Variants in SPATA16 observed in about 807,000 individuals in gnomAD.
SPATA16 encodes the protein spermatogenesis associated 16.
Under a neutral mutation model 63.3 loss-of-function variants are expected in SPATA16, and 36 were observed. The ratio of observed to expected loss-of-function variants is 0.57; its 90% confidence interval spans 0.44 to 0.75. The LOEUF is 0.75. SPATA16 is among the 30% of genes least tolerant of loss of function. SPATA16 has a pLI of 0.00. For synonymous variants in SPATA16, 203 were observed against 216.7 expected (o/e 0.94, Z 0.56); for missense variants, 646 against 679.3 (o/e 0.95, Z 0.54).
At chr3:172,978,965 C>T (rs1231603006) in intron 4 of SPATA16, among the ~76,000 whole-genome samples, 11 of 152,180 alleles carry the variant, frequency 7.2e-5, no homozygotes, top group African/African-American at 1.9e-4. Context: ...TGGCCGGGCG[C>T]GTTGGCTCAT....
rs1324748795 is a variant in SPATA16 at position 173,094,546 on chromosome 3, A to G, written c.612+22574T>C. Among the ~76,000 whole-genome samples, 4 of 152,360 alleles carry G rather than the reference A, an allele frequency of 2.6e-5. No homozygotes were observed. The East Asian group carries it at 7.7e-4, about 29-fold the overall frequency. ...ATTTAGAATCAGGGCAGGTCTAGTC[A>G]AAAGATATTTTAAAGGTTTTTGGAT... On this transcript the variant is annotated intron_variant, in intron 2 of 10. Coordinates refer to ENST00000351008, the MANE Select transcript of SPATA16 (RefSeq NM_031955.6).
chr3:173,084,642 A>C (rs150918624), intron 2 of SPATA16, among the ~76,000 whole-genome samples: 116 of 152,226 alleles, frequency 7.6e-4, no homozygotes, highest in African/African-American at 2.6e-3. Context: ...TAGAGTTTTT[A>C]TAGTTTTGGG....
At chr3:173,039,581 A>G (rs1163880954) in intron 3 of SPATA16, among the ~76,000 whole-genome samples, 1 of 152,150 alleles carries the variant, frequency 6.6e-6, no homozygotes, top group Non-Finnish European at 1.5e-5. Flanking sequence ...CTATTTTCAT[A>G]TTCATGAATA....
intron 4 of SPATA16, among the ~76,000 whole-genome samples, chr3:173,010,914 T>C (rs1735057892): frequency 6.6e-6 from 1 of 151,930 alleles, no homozygotes. Flanking sequence ...GACAGACCAA[T>C]ATCGAGTTCC....
rs757621742 is a variant in SPATA16, at chr3:172,976,969, T to C, written c.932A>G (p.Gln311Arg). Reference protein sequence around the residue: ...SISKLIKLYWQAMIEEAITRA... With the variant: ...SISKLIKLYWRAMIEEAITRA... ...CCTAGTTGGGACATCAATTTTTACCTGCCAATACAGTTTGATGAGCTTGCT... is the reference window on the plus strand; with the variant it reads ...CCTAGTTGGGACATCAATTTTTACCCGCCAATACAGTTTGATGAGCTTGCT... Residue 311 changes from glutamine (Q) to arginine (R), a missense_variant and splice_region_variant, in exon 5 of 11, where the codon CAG (glutamine) becomes CGG (arginine). Gln to Arg is a conservative substitution (Grantham distance 43). Coordinates refer to ENST00000351008, the MANE Select transcript of SPATA16 (RefSeq NM_031955.6). The C allele has an allele frequency of 1.2e-6, 2 of 1,612,248 alleles. No individual in the cohort carries two copies. Among genetic ancestry groups the C allele is most frequent in the East Asian group, 4.5e-5 (2 of 44,814 alleles).
At chr3:172,945,845 G>C (rs1733271256) in intron 6 of SPATA16, among the ~76,000 whole-genome samples, 1 of 152,162 alleles carries the variant, frequency 6.6e-6, no homozygotes, top group South Asian at 2.1e-4. Flanking sequence ...GTAAGTTCTG[G>C]CGCTATGCTG....
intron 9 of SPATA16, among the ~76,000 whole-genome samples, chr3:172,914,788 G>A (rs1463451455): frequency 6.6e-6 from 1 of 151,864 alleles, no homozygotes; most frequent in African/African-American, 2.4e-5. Flanking sequence ...ATTTTATAGG[G>A]TTTCAAATAG....
intron 5 of SPATA16, among the ~76,000 whole-genome samples, chr3:172,958,480 A>G (rs1733655025): frequency 6.6e-6 from 1 of 152,222 alleles, no homozygotes; most frequent in Non-Finnish European, 1.5e-5. Context: ...GTGGTTGCAC[A>G]TGCCTATGTG....
chr3:173,017,115 C>A (rs1735207831), intron 4 of SPATA16, among the ~76,000 whole-genome samples: 1 of 152,072 alleles, frequency 6.6e-6, no homozygotes, highest in African/African-American at 2.4e-5. Context: ...CAGTTCATAG[C>A]ATCCTTTCTC....
intron 6 of SPATA16, among the ~76,000 whole-genome samples, chr3:172,931,164 T>C (rs1277915488): frequency 2.6e-5 from 4 of 152,308 alleles, no homozygotes; most frequent in African/African-American, 9.6e-5. Flanking sequence ...CCAGAGTGAA[T>C]CTCCTGTTTC....
At chr3:172,943,391 A>T (rs9865331) in intron 6 of SPATA16, among the ~76,000 whole-genome samples, 11 of 152,130 alleles carry the variant, frequency 7.2e-5, no homozygotes, top group African/African-American at 2.4e-4. Context: ...CTTGTGTTGC[A>T]ATCCCAGCCA....
chr3:173,075,814 T>C (rs545277950), intron 2 of SPATA16, among the ~76,000 whole-genome samples: 1 of 152,230 alleles, frequency 6.6e-6, no homozygotes, highest in African/African-American at 2.4e-5. Context: ...GGTTAGTGCA[T>C]ACAAGAATAT....
At chr3:173,031,487 C>G (rs1409971702) in intron 3 of SPATA16, among the ~76,000 whole-genome samples, 1 of 151,964 alleles carries the variant, frequency 6.6e-6, no homozygotes, top group Non-Finnish European at 1.5e-5. Flanking sequence ...TGAGCTTATC[C>G]AAAGATGCCC....
intron 6 of SPATA16, among the ~76,000 whole-genome samples, chr3:172,929,604 C>T (rs1469726103): frequency 6.6e-6 from 1 of 152,118 alleles, no homozygotes; most frequent in Non-Finnish European, 1.5e-5. Context: ...CCTTTCTCCT[C>T]CTGCCTTCTC....
At chr3:173,107,252 CAA>C (rs947121180) in intron 2 of SPATA16, among the ~76,000 whole-genome samples, 1 of 150,956 alleles carries the variant, frequency 6.6e-6, no homozygotes, top group Non-Finnish European at 1.5e-5. Flanking sequence ...TCTGTAAAAT[CAA>C]TGATCAATAT....
chr3:172,969,470 G>A (rs1733996349), intron 5 of SPATA16, among the ~76,000 whole-genome samples: 1 of 152,144 alleles, frequency 6.6e-6, no homozygotes, highest in Non-Finnish European at 1.5e-5. Flanking sequence ...GCCTGGGGTT[G>A]TGCATCAGAA....
intron 1 of SPATA16, among the ~76,000 whole-genome samples, chr3:173,118,220 T>C (rs1401746396): frequency 1.3e-5 from 2 of 152,208 alleles, no homozygotes; most frequent in Non-Finnish European, 2.9e-5. Context: ...CTGAAAAGCT[T>C]CCAAAAATGT....
rs549486281 is a variant in SPATA16, at chr3:172,966,538, G to GA, written c.934-9715dup. ...CTTAACAGTTACTTTATAATCCTGA[G>GA]AAAAACGAAATCATGCCACATGTTA... is the stretch of plus-strand genomic sequence containing the variant. On this transcript the variant is annotated intron_variant, in intron 5 of 10. Coordinates refer to ENST00000351008, the MANE Select transcript of SPATA16 (RefSeq NM_031955.6). 1.3e-3 allele frequency among the ~76,000 whole-genome samples: 197 copies of GA among 152,192 alleles called. 1 individual carries two copies. Among genetic ancestry groups the GA allele is most frequent in the African/African-American group, 4.3e-3 (178 of 41,528 alleles).
At chr3:172,994,830 T>C (rs1024245272) in intron 4 of SPATA16, among the ~76,000 whole-genome samples, 34 of 152,334 alleles carry the variant, frequency 2.2e-4, no homozygotes, top group Non-Finnish European at 4.6e-4. Flanking sequence ...CATTGTATTC[T>C]GTGGGCATTT....
Sources: gnomAD v4.1 joint callset for allele counts (sites outside exome capture counted in the v4.1 genomes callset) on GRCh38, gnomAD v4.1.1 for gene constraint, MANE v1.5 for transcripts, NCBI Gene and HGNC (gene_info 2026-07-23, HGNC 2026-07-21) for gene names.